Variants in ABCA8 observed in about 807,000 individuals in gnomAD.
ABCA8 encodes ATP binding cassette subfamily A member 8, also known as ABC-type organic anion transporter ABCA8.
Under a neutral mutation model 192.3 loss-of-function variants are expected in ABCA8, and 177 were observed. That is an observed-to-expected ratio of 0.92 (90% CI 0.81 to 1.04). ABCA8 has a LOEUF of 1.04. Ranked by LOEUF, ABCA8 falls within the 50% of genes least tolerant of loss-of-function variation. The pLI, the probability that ABCA8 is intolerant of heterozygous loss-of-function variation, is 0.00. For synonymous variants in ABCA8, 642 were observed against 690.2 expected (o/e 0.93, Z 1.09); for missense variants, 1,915 against 1,904.8 (o/e 1.01, Z -0.10).
At chr17:68,925,068 G>C (rs548296701) in intron 10 of ABCA8, among the ~76,000 whole-genome samples, 199 bp from the exon 11 acceptor site, 1 of 151,992 alleles carries the variant, frequency 6.6e-6, no homozygotes, top group Non-Finnish European at 1.5e-5. Context: ...AAATCCTATC[G>C]GAAGCAATGA....
At chr17:68,914,053 A>G (rs576799350) in intron 17 of ABCA8, among the ~76,000 whole-genome samples, 187 of 152,250 alleles carry the variant, frequency 1.2e-3, no homozygotes, top group African/African-American at 4.4e-3. Flanking sequence ...GGCAAAAAAG[A>G]TATGATCACT....
intron 37 of ABCA8, among the ~76,000 whole-genome samples, chr17:68,872,434 G>T (rs1171936168): frequency 8.4e-6 from 1 of 118,876 alleles, no homozygotes; most frequent in Admixed American, 9.6e-5. Context: ...TTGTGGGGTG[G>T]GGGGAGGGGG....
intron 1 of ABCA8, among the ~76,000 whole-genome samples, chr17:68,952,200 C>T (rs1026409586): frequency 6.6e-6 from 1 of 152,114 alleles, no homozygotes; most frequent in Non-Finnish European, 1.5e-5. Context: ...GAATTCCAAT[C>T]TAATTATCCT....
chr17:68,909,863 T>C (rs986726020), intron 17 of ABCA8, among the ~76,000 whole-genome samples: 1 of 152,150 alleles, frequency 6.6e-6, no homozygotes, highest in Admixed American at 6.5e-5. Context: ...TAAGTATAGA[T>C]GGTATAAATT....
chr17:68,884,211 C>G, intron 28 of ABCA8, 120 bp downstream of exon 28: 1 of 971,304 alleles, frequency 1.0e-6, no homozygotes, highest in Non-Finnish European at 1.4e-6. Flanking sequence ...CATTATATCT[C>G]CTTGGGCTAT....
Position 68,885,322 on chromosome 17 carries a change from G to T in ABCA8, c.3430-7C>A, listed in dbSNP as rs1454571325. ...CCACAGAGAATACAGTGACCTAAAAGAAGCAAATATGAAGGTTAATCACTC... is the reference window on the plus strand; with the variant it reads ...CCACAGAGAATACAGTGACCTAAAATAAGCAAATATGAAGGTTAATCACTC... On this transcript the variant is annotated splice_region_variant and splice_polypyrimidine_tract_variant and intron_variant, in intron 26 of 39. Transcript: ENST00000586539. The T allele has an allele frequency of 6.2e-7, 1 of 1,603,302 alleles. No homozygotes were observed.
intron 24 of ABCA8, 52 bp from the exon 25 acceptor site, chr17:68,887,558 T>G: frequency 1.4e-6 from 2 of 1,479,560 alleles, no homozygotes; most frequent in South Asian, 2.6e-5. Flanking sequence ...AATATGTGGA[T>G]TATGCAAGGA....
rs34566014 is a variant in ABCA8, at chr17:68,932,352, T to G, written c.733A>C (p.Thr245Pro). ...GCCTTCATCCTTTTCCTCTCTCTTG[T>G]GACATTAACAGATGCATAGTAAATG... ...SFIYYASVNVTRERKRMKALM... is the reference protein window; with the variant it reads ...SFIYYASVNVPRERKRMKALM... Residue 245 changes from threonine to proline, a missense_variant, in exon 7 of 40, where the codon ACA (threonine) becomes CCA (proline). Physicochemically the swap from Thr to Pro is conservative, Grantham distance 38 (BLOSUM62 -1). Coordinates refer to ENST00000586539, the MANE Select transcript of ABCA8 (RefSeq NM_001288985.2). 1 of 1,614,126 alleles carries G rather than the reference T, an allele frequency of 6.2e-7. No homozygotes were observed. The highest frequency in any genetic ancestry group is 8.5e-7 in the Non-Finnish European group (1 of 1,179,998).
intron 27 of ABCA8, chr17:68,884,758 A>G (rs867118989): frequency 1.0e-6 from 1 of 985,314 alleles, no homozygotes; most frequent in African/African-American, 1.7e-5. Flanking sequence ...CTTCCCATAG[A>G]TACCTCTTCA....
intron 2 of ABCA8, among the ~76,000 whole-genome samples, chr17:68,947,476 AT>A (rs1353117137): frequency 1.3e-5 from 2 of 152,022 alleles, no homozygotes; most frequent in African/African-American, 2.4e-5. Flanking sequence ...TATGGCTAGC[AT>A]TTTCTCTTTT....
chr17:68,883,852 T>C lies in ABCA8; in HGVS notation c.3646A>G (p.Thr1216Ala). The change falls in exon 29 of 40, where the codon ACT becomes GCT. Residue 1216 changes from threonine to alanine, a missense_variant. Thr to Ala is a moderately conservative substitution (Grantham distance 58, BLOSUM62 0). Coordinates refer to ENST00000586539, the MANE Select transcript of ABCA8 (RefSeq NM_001288985.2). ...AACTTCCATTCCAGACATCGAAGAG[T>C]AAAAAGAAAAATGATAAAATGAAGG... ...PFLHFIIFLF[T>A]LRCLEWKFGK... The C allele has an allele frequency of 6.3e-7, 1 of 1,595,916 alleles. No individual in the cohort carries two copies. The highest frequency in any genetic ancestry group is 8.5e-7 in the Non-Finnish European group (1 of 1,172,404).
intron 17 of ABCA8, among the ~76,000 whole-genome samples, chr17:68,912,803 T>C (rs975170818): frequency 1.3e-5 from 2 of 152,116 alleles, no homozygotes; most frequent in African/African-American, 2.4e-5. Context: ...ACAATAATAA[T>C]AGCTGGAGAC....
At position 68,902,802 on chromosome 17, in the gene ABCA8, G is replaced by T; in HGVS notation, c.2675C>A (p.Thr892Asn). Residue 892 changes from threonine to asparagine, a missense_variant, in exon 21 of 40, where the codon ACC becomes AAC. By Grantham distance (65) the Thr-to-Asn change is moderately conservative (BLOSUM62 0). Transcript: ENST00000586539. ...ATACAAATGAGGAGAAAGTTCCCAGGTGTAACTGTTTTGATATATTTTCAC... is the reference window on the plus strand; with the variant it reads ...ATACAAATGAGGAGAAAGTTCCCAGTTGTAACTGTTTTGATATATTTTCAC... Reference protein sequence around the residue: ...TMVKIYQNSYTWELSPHLYFL... With the variant: ...TMVKIYQNSYNWELSPHLYFL... 5.0e-6 allele frequency: 8 copies of T among 1,613,638 alleles called. No homozygotes were observed. Among genetic ancestry groups the T allele is most frequent in the Non-Finnish European group, 5.9e-6 (7 of 1,179,656 alleles).
At chr17:68,944,315 G>GTT (rs1321099413) in intron 2 of ABCA8, among the ~76,000 whole-genome samples, 5 of 39,040 alleles carry the variant, frequency 1.3e-4, no homozygotes, top group East Asian at 1.8e-3. Flanking sequence ...AGAACTTAAA[G>GTT]TTATATATAT....
intron 21 of ABCA8, among the ~76,000 whole-genome samples, chr17:68,895,896 T>C (rs1296984237): frequency 2.0e-5 from 3 of 152,036 alleles, no homozygotes; most frequent in Admixed American, 6.5e-5. Flanking sequence ...CGGGACACAA[T>C]CATCCTTGTC....
intron 32 of ABCA8, chr17:68,879,068 C>G (rs776180776): frequency 6.6e-6 from 1 of 152,190 alleles, no homozygotes; most frequent in Non-Finnish European, 1.5e-5. Context: ...CCCATGATGT[C>G]TCTCTTAGAT....
intron 23 of ABCA8, among the ~76,000 whole-genome samples, chr17:68,892,040 G>A (rs2066633182): frequency 1.3e-5 from 2 of 152,128 alleles, no homozygotes; most frequent in Non-Finnish European, 2.9e-5. Flanking sequence ...GATAAATATT[G>A]GTTGAGGACG....
intron 7 of ABCA8, chr17:68,932,026 C>A (rs9303001): frequency 0.044 from 11,782 of 269,572 alleles, 1,324 homozygotes; most frequent in African/African-American, 0.23. Context: ...CTGGCTAACA[C>A]GGTGAAACCC....
At chr17:68,924,537 T>C (rs1040251642) in intron 11 of ABCA8, among the ~76,000 whole-genome samples, 164 bp downstream of exon 11, 3 of 152,140 alleles carry the variant, frequency 2.0e-5, no homozygotes, top group Non-Finnish European at 4.4e-5. Flanking sequence ...AAGGGGTTGG[T>C]AAAGGGATCT....
Sources: gnomAD v4.1 joint callset for allele counts (sites outside exome capture counted in the v4.1 genomes callset) on GRCh38, gnomAD v4.1.1 for gene constraint, MANE v1.5 for transcripts, NCBI Gene and HGNC (gene_info 2026-07-23, HGNC 2026-07-21) for gene names.